KLF17: variants seen among roughly 807,000 people sequenced by gnomAD.
KLF17 encodes the protein Krueppel-like factor 17.
Under a neutral mutation model 34.2 loss-of-function variants are expected in KLF17, and 31 were observed. The observed-to-expected ratio is 0.91, with a 90% CI of 0.68 to 1.22. KLF17 has a LOEUF of 1.22. Ranked by LOEUF, KLF17 falls within the 50% of genes most tolerant of loss-of-function variation. The probability of loss-of-function intolerance (pLI) is 0.00; values close to 1 mark genes in which losing one functional copy is unlikely to be tolerated. For synonymous variants in KLF17, 179 were observed against 186.7 expected (o/e 0.96, Z 0.34); for missense variants, 478 against 505.2 (o/e 0.95, Z 0.52).
At chr1:44,045,902 A>G in the KLF17 span, 1 of 141,534 alleles carries the variant, frequency 7.1e-6, no homozygotes, top group Non-Finnish European at 1.6e-5. Flanking sequence ...CACACATATC[A>G]CACATAACTA....
chr1:44,108,356 C>T, the KLF17 span, among the ~76,000 whole-genome samples: 1 of 152,194 alleles, frequency 6.6e-6, no homozygotes, highest in African/African-American at 2.4e-5. Flanking sequence ...CTTTTGCTGA[C>T]TGTTTCCCCA....
At chr1:44,103,298 C>T in the KLF17 span, 1 of 720,774 alleles carries the variant, frequency 1.4e-6, no homozygotes, top group Non-Finnish European at 2.5e-6. Flanking sequence ...AGGGGCTGCC[C>T]TGGCTGTTCA....
intron 3 of KLF17, among the ~76,000 whole-genome samples, chr1:44,131,731 G>A (rs1421264301): frequency 6.6e-6 from 1 of 152,172 alleles, no homozygotes; most frequent in Non-Finnish European, 1.5e-5. Flanking sequence ...GTCTTGCTCT[G>A]CCACCATGGC....
chr1:44,059,582 T>C, the KLF17 span, among the ~76,000 whole-genome samples: 1 of 152,102 alleles, frequency 6.6e-6, no homozygotes, highest in Non-Finnish European at 1.5e-5. Flanking sequence ...ACCATAGTGA[T>C]CCCCAAATAC....
chr1:44,127,134 C>A (rs1050533183), intron 1 of KLF17, among the ~76,000 whole-genome samples: 4 of 150,712 alleles, frequency 2.7e-5, no homozygotes, highest in African/African-American at 9.8e-5. Flanking sequence ...GTCTTGAACT[C>A]CTGGACTCAA....
At chr1:44,060,475 G>T in the KLF17 span, among the ~76,000 whole-genome samples, 1 of 151,996 alleles carries the variant, frequency 6.6e-6, no homozygotes, top group Non-Finnish European at 1.5e-5. Context: ...CTCAAAAAAA[G>T]AATGAAACTT....
the KLF17 span, among the ~76,000 whole-genome samples, chr1:44,048,930 C>T: frequency 6.6e-6 from 1 of 152,210 alleles, no homozygotes; most frequent in Non-Finnish European, 1.5e-5. Flanking sequence ...TAGCTTAATG[C>T]GTCACCACAA....
chr1:44,090,814 A>G, the KLF17 span, among the ~76,000 whole-genome samples: 17 of 152,124 alleles, frequency 1.1e-4, no homozygotes, highest in African/African-American at 4.1e-4. Flanking sequence ...TGCTATAACC[A>G]GTGAGTACCC....
the KLF17 span, among the ~76,000 whole-genome samples, chr1:44,100,272 AAGAG>A: frequency 4.8e-5 from 7 of 146,730 alleles, no homozygotes; most frequent in Admixed American, 1.4e-4. Context: ...AAAAAAAAAA[AAGAG>A]AGAGAGAGAA....
At position 44,123,915 on chromosome 1, in the gene KLF17, C is replaced by CT. The variant is rs199558253; in HGVS notation, c.81+4938dup. Among the ~76,000 whole-genome samples the CT allele has an allele frequency of 1.2e-3, 179 of 145,516 alleles. 1 individual carries two copies. The Middle Eastern group carries it at 0.018, about 14-fold the overall frequency. On this transcript the variant is annotated intron_variant, in intron 1 of 3. Transcript: ENST00000372299. ...TCAGAGAAGATACTTTGTATGATACCTTTTTTTTTTTATTTTTTTCTAAAA... is the reference window on the plus strand; with the variant it reads ...TCAGAGAAGATACTTTGTATGATACCTTTTTTTTTTTTATTTTTTTCTAAAA...
the KLF17 span, among the ~76,000 whole-genome samples, chr1:44,089,913 G>A: frequency 6.6e-6 from 1 of 152,020 alleles, no homozygotes; most frequent in South Asian, 2.1e-4. Flanking sequence ...TGTAATACCA[G>A]CACTTTGGGA....
At chr1:44,070,428 T>C in the KLF17 span, among the ~76,000 whole-genome samples, 1 of 152,140 alleles carries the variant, frequency 6.6e-6, no homozygotes, top group African/African-American at 2.4e-5. Context: ...CTCCCACTTA[T>C]AAGACAGAAC....
intron 2 of KLF17, 111 bp downstream of exon 2, chr1:44,130,307 G>A: frequency 1.3e-6 from 2 of 1,494,314 alleles, no homozygotes. Flanking sequence ...TCCAAGCTTG[G>A]AACTAAGCTA....
At chr1:44,088,524 T>G in the KLF17 span, 1 of 152,364 alleles carries the variant, frequency 6.6e-6, no homozygotes, top group South Asian at 2.1e-4. Flanking sequence ...ATCTTTTCAG[T>G]CTGCACTCCC....
At chr1:44,048,283 T>A in the KLF17 span, 33,774 of 152,142 alleles carry the variant, frequency 0.22, 4,421 homozygotes, top group Non-Finnish European at 0.28. Flanking sequence ...AGAACTGGAT[T>A]CGTGCCTGGG....
the KLF17 span, among the ~76,000 whole-genome samples, chr1:44,090,277 C>T: frequency 8.8e-6 from 1 of 113,780 alleles, no homozygotes; most frequent in Non-Finnish European, 1.7e-5. Flanking sequence ...CTAGACCAGC[C>T]TGGGCAACAC....
At chr1:44,060,373 C>A in the KLF17 span, among the ~76,000 whole-genome samples, 2 of 152,138 alleles carry the variant, frequency 1.3e-5, no homozygotes. Context: ...GAGGCTGAGG[C>A]AGGTGAATCT....
intron 1 of KLF17, 73 bp from the exon 2 acceptor site, chr1:44,129,280 G>A: frequency 6.8e-7 from 1 of 1,476,322 alleles, no homozygotes; most frequent in South Asian, 1.4e-5. Context: ...ATTAGGATGG[G>A]GTCTGGGGAT....
the KLF17 span, among the ~76,000 whole-genome samples, chr1:44,109,768 G>A: frequency 6.6e-6 from 1 of 152,032 alleles, no homozygotes; most frequent in South Asian, 2.1e-4. Flanking sequence ...TCTGTTTCAG[G>A]GAGGGAGAGA....
Sources: allele counts gnomAD v4.1 joint callset (sites outside exome capture counted in the v4.1 genomes callset), GRCh38; gene constraint gnomAD v4.1.1; transcripts MANE v1.5; gene names NCBI Gene and HGNC (gene_info 2026-07-23, HGNC 2026-07-21).